The following C18orf63 variants were observed in gnomAD, a reference collection of about 807,000 sequenced individuals.
The protein encoded by C18orf63 is uncharacterized protein C18orf63.
In C18orf63, 50 loss-of-function variants were observed where a neutral mutation model predicts 75.3. That is an observed-to-expected ratio of 0.66 (90% CI 0.53 to 0.84). The LOEUF is 0.84. Ranked by LOEUF, C18orf63 falls within the 40% of genes least tolerant of loss-of-function variation. The pLI, the probability that C18orf63 is intolerant of heterozygous loss-of-function variation, is 0.00. For synonymous variants in C18orf63, 232 were observed against 267.6 expected, an observed-to-expected ratio of 0.87 and a Z score of 1.30; for missense variants, 732 against 800.2, an observed-to-expected ratio of 0.91 and a Z score of 1.03.
chr18:74,340,193 A>G (rs548519371), intron 8 of C18orf63, among the ~76,000 whole-genome samples: 1 of 152,336 alleles, frequency 6.6e-6, no homozygotes, highest in Non-Finnish European at 1.5e-5. Context: ...AAAATGGGCA[A>G]AGCCCTCGAA....
In C18orf63 at chr18:74,354,205, A is replaced by G; in HGVS notation, c.1938A>G (p.Lys646=). 1 of 1,536,136 alleles carries G rather than the reference A, an allele frequency of 6.5e-7. No individual in the cohort carries two copies. The change falls in exon 12 of 14, where the codon AAA becomes AAG. Residue 646 remains lysine, a synonymous_variant. Coordinates refer to ENST00000579455, the MANE Select transcript of C18orf63 (RefSeq NM_001174123.2). ...GAAAATTATGTCCAGAGTCTTCCAA[A>G]ACTTCAAAGAAGCATCATTCCGATA... is the stretch of plus-strand genomic sequence containing the variant. ...SKRKLCPESS[K]TSKKHHSDTV...
At chr18:74,338,661 T>A in intron 7 of C18orf63, 54 bp from the exon 8 acceptor site, 1 of 712,402 alleles carries the variant, frequency 1.4e-6, no homozygotes, top group East Asian at 3.1e-5. Flanking sequence ...TTTTAAAATG[T>A]TTCCTTTTTT....
intron 4 of C18orf63, among the ~76,000 whole-genome samples, chr18:74,323,559 G>A (rs1352301612): frequency 1.3e-5 from 2 of 152,118 alleles, no homozygotes; most frequent in Admixed American, 6.5e-5. Context: ...AAGGATTCTG[G>A]TTATCTTGAA....
In C18orf63 at chr18:74,328,979, C is replaced by T; in HGVS notation, c.383-16C>T. 1 of 1,423,520 alleles carries T rather than the reference C, an allele frequency of 7.0e-7. No homozygotes were observed. The highest frequency in any genetic ancestry group is 9.6e-7 in the Non-Finnish European group (1 of 1,044,726). 88.2% of individuals were successfully genotyped at this position (1,423,520 alleles called of 1,614,324 possible). ...ATGAGTTGTAATAACATGGCATATT[C>T]TATGAATTTTTTAAGGAAGAGATTT... On this transcript the variant is annotated splice_polypyrimidine_tract_variant and intron_variant, in intron 5 of 13. Coordinates refer to ENST00000579455, the MANE Select transcript of C18orf63 (RefSeq NM_001174123.2).
intron 11 of C18orf63, among the ~76,000 whole-genome samples, chr18:74,351,114 A>C (rs573094821): frequency 6.6e-6 from 1 of 152,350 alleles, no homozygotes; most frequent in East Asian, 1.9e-4. Flanking sequence ...AGTAATCTCC[A>C]GATAAGAAAT....
At chr18:74,332,727 A>AG (rs1490409975) in intron 7 of C18orf63, among the ~76,000 whole-genome samples, 1 of 152,038 alleles carries the variant, frequency 6.6e-6, no homozygotes, top group Non-Finnish European at 1.5e-5. Context: ...GGAAAAAAAA[A>AG]AAAAAGGCTC....
At position 74,354,518 on chromosome 18, in the gene C18orf63, TG is replaced by T; in HGVS notation, c.*7del. On this transcript the variant is annotated 3_prime_UTR_variant, in exon 13 of 14. Coordinates refer to ENST00000579455, the MANE Select transcript of C18orf63 (RefSeq NM_001174123.2). ...CTCATCATTCATAATGCTTAGAACA[TG>T]GACCTGAAAGAAGGAAATGTCTACC... 7.0e-7 allele frequency: 1 copy of T among 1,424,426 alleles called. No individual in the cohort carries two copies. Among genetic ancestry groups the T allele is most frequent in the Non-Finnish European group, 9.5e-7 (1 of 1,052,108 alleles). 88.2% of individuals were successfully genotyped at this position (1,424,426 alleles called of 1,614,324 possible). A position where few individuals can be genotyped will look rare whatever the true frequency, so the allele number is the denominator to read the frequency against.
At chr18:74,338,003 T>C (rs564643199) in intron 7 of C18orf63, among the ~76,000 whole-genome samples, 19 of 152,284 alleles carry the variant, frequency 1.2e-4, no homozygotes, top group African/African-American at 4.3e-4. Flanking sequence ...TGGTTAAGAA[T>C]GGGGTAAGGG....
At chr18:74,322,576 C>T in intron 3 of C18orf63, 122 bp from the exon 4 acceptor site, 1 of 319,124 alleles carries the variant, frequency 3.1e-6, no homozygotes, top group African/African-American at 2.1e-5. Context: ...AGGCACAAAC[C>T]CTAATTGGAT....
chr18:74,328,342 A>T (rs1487548319), intron 5 of C18orf63, among the ~76,000 whole-genome samples: 1 of 152,110 alleles, frequency 6.6e-6, no homozygotes, highest in Admixed American at 6.5e-5. Flanking sequence ...CTTATTCACC[A>T]TCATGAAAAC....
intron 13 of C18orf63, among the ~76,000 whole-genome samples, chr18:74,356,264 AC>A (rs1314631379): frequency 2.6e-5 from 4 of 150,960 alleles, no homozygotes; most frequent in Admixed American, 2.6e-4. Context: ...CTCATCATTC[AC>A]CCCCCCTCCC....
At chr18:74,334,831 C>T (rs1360791303) in intron 7 of C18orf63, among the ~76,000 whole-genome samples, 1 of 152,144 alleles carries the variant, frequency 6.6e-6, no homozygotes, top group African/African-American at 2.4e-5. Flanking sequence ...CTGATCCAAA[C>T]CAATCTTACT....
intron 7 of C18orf63, among the ~76,000 whole-genome samples, chr18:74,335,216 T>A (rs947372792): frequency 2.6e-5 from 4 of 152,116 alleles, no homozygotes; most frequent in Non-Finnish European, 4.4e-5. Context: ...TTGACTGGAG[T>A]GAAAGACTAA....
chr18:74,328,877 A>G (rs1984253884), intron 5 of C18orf63, 118 bp from the exon 6 acceptor site: 4 of 582,286 alleles, frequency 6.9e-6, no homozygotes, highest in Middle Eastern at 2.7e-4. Context: ...TTATATAACA[A>G]CTGCATTTTA....
chr18:74,322,387 T>C (rs920852568), intron 3 of C18orf63, among the ~76,000 whole-genome samples: 14 of 152,350 alleles, frequency 9.2e-5, no homozygotes, highest in Non-Finnish European at 1.9e-4. Flanking sequence ...CCATTTTCCT[T>C]ATTCATGCCT....
chr18:74,348,892 T>A (rs940438394), intron 11 of C18orf63, among the ~76,000 whole-genome samples: 2 of 152,150 alleles, frequency 1.3e-5, no homozygotes, highest in Non-Finnish European at 2.9e-5. Flanking sequence ...AAATAATATA[T>A]TGACAGTCTA....
chr18:74,342,280 A>T lies in C18orf63; in HGVS notation c.748A>T (p.Ile250Leu). Reference sequence around the variant, plus strand: ...TCCAGGTGATTGTGGAAAAATTAAAATATACTGCAACATCTATTTCAAAAT... The same window carrying T: ...TCCAGGTGATTGTGGAAAAATTAAATTATACTGCAACATCTATTTCAAAAT... Reference protein sequence around the residue: ...KLPGDCGKIKIYCNIYFKMLG... With the variant: ...KLPGDCGKIKLYCNIYFKMLG... Residue 250 changes from isoleucine to leucine, a missense_variant, in exon 10 of 14, where the codon ATA becomes TTA. By Grantham distance (5) the Ile-to-Leu change is conservative. This residue lies in a region of C18orf63 where 495 missense variants were observed against 508.7 expected (regional missense o/e 0.97). Transcript: ENST00000579455. The T allele has an allele frequency of 6.5e-7, 1 of 1,533,886 alleles. No individual in the cohort carries two copies. The highest frequency in any genetic ancestry group is 8.7e-7 in the Non-Finnish European group (1 of 1,145,328).
intron 3 of C18orf63, 24 bp downstream of exon 3, chr18:74,320,615 A>G: frequency 7.2e-7 from 1 of 1,395,412 alleles, no homozygotes; most frequent in South Asian, 1.2e-5. Context: ...TATTTTGTGA[A>G]ATGTTATTAC....
intron 11 of C18orf63, among the ~76,000 whole-genome samples, chr18:74,345,478 C>T (rs780759352): frequency 3.3e-5 from 5 of 151,968 alleles, no homozygotes; most frequent in Admixed American, 6.5e-5. Flanking sequence ...TGAAGGTATT[C>T]GCCTCTAATA....
Sources: gnomAD v4.1 joint callset for allele counts (sites outside exome capture counted in the v4.1 genomes callset) on GRCh38, gnomAD v4.1.1 for gene constraint, gnomAD v4.1.1 regional missense constraint, MANE v1.5 for transcripts, NCBI Gene and HGNC (gene_info 2026-07-23, HGNC 2026-07-21) for gene names.